The following ZNF831 variants were observed in gnomAD, a reference collection of about 807,000 sequenced individuals.
ZNF831 encodes the protein chromosome 20 open reading frame 174.
A neutral mutation model predicts 95.8 loss-of-function variants in ZNF831; 59 were observed. The observed-to-expected ratio is 0.62, with a 90% CI of 0.50 to 0.77. The LOEUF is 0.77. Among genes scored for constraint, ZNF831 ranks in the 30% least tolerant of loss-of-function variants. The pLI is 0.00. For missense variants in ZNF831, 2,205 were observed against 2,164.0 expected (o/e 1.02, Z -0.38); for synonymous variants, 961 against 925.5 (o/e 1.04, Z -0.70).
At position 59,194,291 on chromosome 20, in the gene ZNF831, G is replaced by A. The variant is rs759172049; in HGVS notation, c.3272G>A (p.Gly1091Glu). The change falls in exon 2 of 6, where the codon GGG becomes GAG. Residue 1091 changes from glycine to glutamate, a missense_variant. Transcript: ENST00000371030. ...GSTLARARLS[G>E]DVLNPWVPNW... Reference sequence around the variant, plus strand: ...ACTTTGGCAAGGGCCAGGCTCTCTGGGGATGTCCTGAATCCCTGGGTACCC... The same window carrying A: ...ACTTTGGCAAGGGCCAGGCTCTCTGAGGATGTCCTGAATCCCTGGGTACCC... 2 of 1,613,964 alleles carry A rather than the reference G, an allele frequency of 1.2e-6. No individual in the cohort carries two copies. Among genetic ancestry groups the A allele is most frequent in the South Asian group, 2.2e-5 (2 of 91,084 alleles).
At chr20:59,194,831 A>G (rs1983968394) in intron 2 of ZNF831, 74 bp downstream of exon 2, 4 of 1,463,914 alleles carry the variant, frequency 2.7e-6, no homozygotes, top group African/African-American at 2.8e-5. Flanking sequence ...CTCATGAGGG[A>G]AGGAAGTCTG....
intron 1 of ZNF831, among the ~76,000 whole-genome samples, chr20:59,172,591 A>G (rs1026133475): frequency 1.3e-5 from 2 of 152,126 alleles, no homozygotes; most frequent in African/African-American, 2.4e-5. Context: ...CATATTTCCC[A>G]TAGTCTTTAG....
chr20:59,130,733 C>T (rs1284072575), intron 1 of ZNF831, among the ~76,000 whole-genome samples: 1 of 152,168 alleles, frequency 6.6e-6, no homozygotes, highest in Admixed American at 6.5e-5. Flanking sequence ...GGTATGGACA[C>T]ATCTGTGCCT....
At chr20:59,239,218 C>T (rs996035038) in intron 4 of ZNF831, among the ~76,000 whole-genome samples, 2 of 151,990 alleles carry the variant, frequency 1.3e-5, no homozygotes, top group Admixed American at 6.6e-5. Flanking sequence ...GTGAGAAAAC[C>T]AAACCAAACC....
At chr20:59,135,956 G>A (rs1034124563) in intron 1 of ZNF831, among the ~76,000 whole-genome samples, 3 of 152,120 alleles carry the variant, frequency 2.0e-5, no homozygotes, top group Admixed American at 6.5e-5. Flanking sequence ...CTTGGGCAAC[G>A]GAGCAAGACC....
At chr20:59,144,137 C>A (rs1450613631) in intron 1 of ZNF831, among the ~76,000 whole-genome samples, 1 of 152,074 alleles carries the variant, frequency 6.6e-6, no homozygotes, top group African/African-American at 2.4e-5. Context: ...CTAGCTTTCT[C>A]TTTTTTTCAT....
Position 59,157,704 on chromosome 20 carries a change from G to C in ZNF831, c.-1280-1948G>C, listed in dbSNP as rs140064669. Among the ~76,000 whole-genome samples, 189 of 152,280 alleles carry C rather than the reference G, an allele frequency of 1.2e-3. 1 individual carries two copies. In the Middle Eastern group the frequency reaches 0.014, roughly 11 times the overall value. ...TTGGCAGAGGCTAATATACAAATCT[G>C]TGTTTAAATCTGTTTATTGAAATGT... On this transcript the variant is annotated intron_variant, in intron 2 of 7. Coordinates refer to the ZNF831 transcript ENST00000637017.
At chr20:59,130,190 C>T (rs192099891) in intron 1 of ZNF831, among the ~76,000 whole-genome samples, 2 of 152,282 alleles carry the variant, frequency 1.3e-5, no homozygotes, top group African/African-American at 4.8e-5. Context: ...ATTAAAGAGA[C>T]AGGGCCATTA....
rs368924099 is a variant in ZNF831, at chr20:59,194,708, G to A, written c.3689G>A (p.Gly1230Glu). 1.4e-5 allele frequency: 22 copies of A among 1,603,670 alleles called. No homozygotes were observed. Among genetic ancestry groups the A allele is most frequent in the Non-Finnish European group, 1.9e-5 (22 of 1,175,112 alleles). ...AATGGCCCTCCTGGGAGCAATGGAGGATGGACCTGGACAAGCCCTGGAGAA... is the reference window on the plus strand; with the variant it reads ...AATGGCCCTCCTGGGAGCAATGGAGAATGGACCTGGACAAGCCCTGGAGAA... ...GPNGPPGSNG[G>E]WTWTSPGEGG... Residue 1230 changes from glycine to glutamate, a missense_variant, in exon 2 of 6, where the codon GGA (glycine) becomes GAA (glutamate). By Grantham distance (98) the Gly-to-Glu change is moderately conservative. Transcript: ENST00000371030.
At chr20:59,124,616 G>T (rs1437330992) in intron 1 of ZNF831, among the ~76,000 whole-genome samples, 1 of 152,190 alleles carries the variant, frequency 6.6e-6, no homozygotes, top group Non-Finnish European at 1.5e-5. Flanking sequence ...GATCGTTGCT[G>T]TCTGTTGCTG....
Position 59,148,779 on chromosome 20 carries a change from TCAATTCCATCCTGTCACC to T in ZNF831, c.-1281+2408_-1281+2425del, listed in dbSNP as rs540932679. Among the ~76,000 whole-genome samples the T allele has an allele frequency of 3.7e-5, 5 of 134,670 alleles. No individual in the cohort carries two copies. In the South Asian group the frequency reaches 1.1e-3, roughly 29 times the overall value. The allele number at this position is 134,670 out of a possible 152,430, so 88.3% of individuals were successfully genotyped here. ...GACTCTGGGTCTCATGTCTTGAGGC[TCAATTCCATCCTGTCACC>T]CAGCCAGGAGATTCAGAGGTCCTGC... On this transcript the variant is annotated intron_variant, in intron 2 of 7. Coordinates refer to the ZNF831 transcript ENST00000637017.
chr20:59,253,223 TGGCAGAACTTGCTC>T (rs1987994411), intron 5 of ZNF831, 85 bp downstream of exon 5: 2 of 1,469,106 alleles, frequency 1.4e-6, no homozygotes, highest in African/African-American at 1.4e-5. Context: ...TTGTTCAGTG[TGGCAGAACTTGCTC>T]GGATCACCTT....
chr20:59,182,356 T>A (rs1458786277), intron 1 of ZNF831, among the ~76,000 whole-genome samples: 1 of 152,210 alleles, frequency 6.6e-6, no homozygotes, highest in East Asian at 1.9e-4. Context: ...TATGCTGTGA[T>A]CAGTGCTTAT....
At chr20:59,209,926 G>C (rs990485596) in intron 4 of ZNF831, among the ~76,000 whole-genome samples, 1 of 152,094 alleles carries the variant, frequency 6.6e-6, no homozygotes, top group Admixed American at 6.5e-5. Flanking sequence ...CTCACTAAAC[G>C]TGGGCTTATC....
In ZNF831 at chr20:59,169,977, G is replaced by C. The variant is rs1413996558; in HGVS notation, c.-37+5770G>C. Among the ~76,000 whole-genome samples the C allele has an allele frequency of 6.6e-6, 1 of 151,638 alleles. No homozygotes were observed. The highest frequency in any genetic ancestry group is 1.5e-5 in the Non-Finnish European group (1 of 67,922). On this transcript the variant is annotated intron_variant, in intron 1 of 5. Coordinates refer to ENST00000371030, the MANE Select transcript of ZNF831 (RefSeq NM_178457.3). The surrounding 1 kb of genome is among the most constrained non-coding windows in gnomAD (Gnocchi z 4.1). ...CATTGATTTTCTCTATTATTTTTCT[G>C]TTTTGATTTGACCTATTTCTTCTCC...
In ZNF831 at chr20:59,194,237, A is replaced by G. The variant is rs1983883828; in HGVS notation, c.3218A>G (p.His1073Arg). 6.2e-7 allele frequency: 1 copy of G among 1,613,794 alleles called. No homozygotes were observed. The highest frequency in any genetic ancestry group is 8.5e-7 in the Non-Finnish European group (1 of 1,179,976). The change falls in exon 2 of 6, where the codon CAC (histidine) becomes CGC (arginine). Residue 1073 changes from histidine to arginine, a missense_variant. Coordinates refer to ENST00000371030, the MANE Select transcript of ZNF831 (RefSeq NM_178457.3). ...HLVQDMEGDS[H>R]RIHRLCMGST... ...GTTCAGGACATGGAGGGTGACAGCC[A>G]CCGTATCCATCGCCTCTGCATGGGC...
At position 59,192,576 on chromosome 20, in the gene ZNF831, C is replaced by G. The variant is rs764737813; in HGVS notation, c.1557C>G (p.Pro519=). The G allele has an allele frequency of 1.7e-4, 258 of 1,516,154 alleles. No homozygotes were observed. Among genetic ancestry groups the G allele is most frequent in the Non-Finnish European group, 2.0e-4 (225 of 1,135,822 alleles). The allele number at this position is 1,516,154 out of a possible 1,614,324, so 93.9% of individuals were successfully genotyped here. ...AGGGCTCCAGGACGTGGCTGGAGCC[C>G]AGGGAGCCCCGGGACCCCTGGTCCA... ...FVEGSRTWLE[P]REPRDPWSRT... The change falls in exon 2 of 6, where the codon CCC becomes CCG. Residue 519 remains proline, a synonymous_variant. Coordinates refer to ENST00000371030, the MANE Select transcript of ZNF831 (RefSeq NM_178457.3). This position sits in a 1 kb window ranked among gnomAD's most constrained non-coding sequence, Gnocchi z 5.2.
chr20:59,252,299 G>A lies in ZNF831; in HGVS notation c.4028-679G>A, dbSNP rs565903802. On this transcript the variant is annotated intron_variant, in intron 4 of 5. Transcript: ENST00000371030. ...CTAGTGCTTCTTCTCTAGTGACACA[G>A]TCGTTTTAAGATATTTCTCTGATCT... is the stretch of plus-strand genomic sequence containing the variant. Among the ~76,000 whole-genome samples, 103 of 152,308 alleles carry A rather than the reference G, an allele frequency of 6.8e-4. 1 individual carries two copies. In the South Asian group the frequency reaches 0.02, roughly 29 times the overall value.
rs2146570249 is a variant in ZNF831 at position 59,192,711 on chromosome 20, G to C, written c.1692G>C (p.Gln564His). The C allele has an allele frequency of 6.3e-7, 1 of 1,599,782 alleles. No individual in the cohort carries two copies. Among genetic ancestry groups the C allele is most frequent in the Non-Finnish European group, 8.5e-7 (1 of 1,174,200 alleles). Residue 564 changes from glutamine (Q) to histidine (H), a missense_variant, in exon 2 of 6, where the codon CAG (glutamine) becomes CAC (histidine). Gln to His is a conservative substitution (Grantham distance 24). Transcript: ENST00000371030. The surrounding 1 kb of genome is among the most constrained non-coding windows in gnomAD (Gnocchi z 5.2). ...PSGHPRALVR[Q>H]AAVEDLPGTP... ...GGCATCCCCGGGCCCTGGTCAGACA[G>C]GCCGCGGTGGAGGACCTGCCAGGCA...
Sources: allele counts gnomAD v4.1 joint callset (sites outside exome capture counted in the v4.1 genomes callset), GRCh38; gene constraint gnomAD v4.1.1; non-coding constraint Gnocchi (gnomAD v3.1); transcripts MANE v1.5; gene names NCBI Gene and HGNC (gene_info 2026-07-23, HGNC 2026-07-21).